Variants in OGDH observed in about 807,000 individuals in gnomAD.
OGDH encodes the protein 2-oxoglutarate dehydrogenase complex component E1.
OGDH carries 38 observed loss-of-function variants against 116.6 expected under a neutral mutation model. The ratio of observed to expected loss-of-function variants is 0.33; its 90% confidence interval spans 0.25 to 0.43. The LOEUF (loss-of-function observed/expected upper bound fraction) is 0.43. OGDH is among the 20% of genes least tolerant of loss of function. The pLI is 1.00. For missense variants in OGDH, 825 were observed against 1,357.2 expected, an observed-to-expected ratio of 0.61 and a Z score of 6.16; for synonymous variants, 488 against 533.3, an observed-to-expected ratio of 0.92 and a Z score of 1.17.
intron 2 of OGDH, among the ~76,000 whole-genome samples, chr7:44,643,648 T>C (rs1383507657): frequency 6.6e-6 from 1 of 152,160 alleles, no homozygotes; most frequent in Non-Finnish European, 1.5e-5. Context: ...CAGAAGACCT[T>C]AAGGACCAGC....
intron 5 of OGDH, among the ~76,000 whole-genome samples, chr7:44,668,025 G>A: frequency 6.6e-6 from 1 of 152,266 alleles, no homozygotes; most frequent in African/African-American, 2.4e-5. Context: ...CCACAGCCCA[G>A]GTCCCCTAAA....
chr7:44,659,339 G>T (rs1786834528), intron 4 of OGDH, among the ~76,000 whole-genome samples: 1 of 152,140 alleles, frequency 6.6e-6, no homozygotes, highest in Non-Finnish European at 1.5e-5. Flanking sequence ...CCATATTGAT[G>T]AGGGATATTG....
rs765836281 is a variant in OGDH at position 44,694,477 on chromosome 7, G to A, written c.1569G>A (p.Gln523=). The change falls in exon 12 of 23, where the codon CAG becomes CAA. Residue 523 remains glutamine (Q), a synonymous_variant. Transcript: ENST00000222673. The surrounding 1 kb of genome is among the most constrained non-coding windows in gnomAD (Gnocchi z 4.2). ...HNEMDEPMFT[Q]PLMYKQIRKQ... ...AGATGGATGAGCCCATGTTCACGCAGCCGCTCATGTACAAGCAGATCCGCA... is the reference window on the plus strand; with the variant it reads ...AGATGGATGAGCCCATGTTCACGCAACCGCTCATGTACAAGCAGATCCGCA... The A allele has an allele frequency of 6.2e-7, 1 of 1,613,998 alleles. No individual in the cohort carries two copies. The highest frequency in any genetic ancestry group is 8.5e-7 in the Non-Finnish European group (1 of 1,180,012).
rs139681238 is a variant in OGDH at position 44,621,685 on chromosome 7, A to G, written c.-27-2632A>G. Among the ~76,000 whole-genome samples the G allele has an allele frequency of 7.0e-3, 1,067 of 152,270 alleles. 9 individuals carry two copies. The highest frequency in any genetic ancestry group is 0.011 in the Non-Finnish European group (775 of 68,032). On this transcript the variant is annotated intron_variant, in intron 1 of 22. Transcript: ENST00000222673. The stretch of plus-strand genomic sequence containing the variant: ...TCAGGAGTTTGAGACCAGCCTGGCC[A>G]ACATAATGAAACCCTGTCTCTACTA...
At chr7:44,616,817 GTA>G (rs541936143) in intron 1 of OGDH, among the ~76,000 whole-genome samples, 15 of 100,766 alleles carry the variant, frequency 1.5e-4, no homozygotes, top group Admixed American at 1.9e-4. Context: ...GCATATATAC[GTA>G]TATATGTGTA....
intron 4 of OGDH, among the ~76,000 whole-genome samples, chr7:44,658,070 T>C (rs1309673031): frequency 6.6e-6 from 1 of 152,252 alleles, no homozygotes; most frequent in East Asian, 1.9e-4. Context: ...TTTACAAAAT[T>C]GTTTTAACTA....
At chr7:44,706,863 A>G (rs1320525599) in intron 20 of OGDH, among the ~76,000 whole-genome samples, 4 of 151,620 alleles carry the variant, frequency 2.6e-5, no homozygotes, top group Non-Finnish European at 4.4e-5. Context: ...AACTCAGGCA[A>G]TCCGCCCGCC....
In OGDH at chr7:44,618,034, A is replaced by G. The variant is rs181841158; in HGVS notation, c.-27-6283A>G. 2.7e-3 allele frequency among the ~76,000 whole-genome samples: 405 copies of G among 152,300 alleles called. 2 individuals carry two copies. The highest frequency in any genetic ancestry group is 4.8e-3 in the Admixed American group (74 of 15,292). On this transcript the variant is annotated intron_variant, in intron 1 of 22. Transcript: ENST00000222673. ...ATTTCAGACAGAACCCTATTTAAGTATATCGTTTCCTAAGGGCAGGGCGTT... is the reference window on the plus strand; with the variant it reads ...ATTTCAGACAGAACCCTATTTAAGTGTATCGTTTCCTAAGGGCAGGGCGTT...
intron 5 of OGDH, among the ~76,000 whole-genome samples, chr7:44,668,119 G>T (rs1024059992): frequency 6.6e-6 from 1 of 152,188 alleles, no homozygotes; most frequent in Non-Finnish European, 1.5e-5. Flanking sequence ...AGTGTTTCCA[G>T]TTGGCTGCAC....
At chr7:44,625,692 T>C (rs1785175575) in intron 2 of OGDH, among the ~76,000 whole-genome samples, 1 of 152,210 alleles carries the variant, frequency 6.6e-6, no homozygotes, top group South Asian at 2.1e-4. Context: ...TTATCTTCAC[T>C]GTGAATTTGG....
chr7:44,708,093 A>G lies in OGDH; in HGVS notation c.*94A>G. 6.7e-7 allele frequency: 1 copy of G among 1,481,918 alleles called. No homozygotes were observed. 91.8% of individuals were successfully genotyped at this position (1,481,918 alleles called of 1,614,324 possible). ...AGAATAGTGCCTCAGCGCTGCCCAC[A>G]CCACCGCCCTCCTCGCTGTGCCACC... On this transcript the variant is annotated 3_prime_UTR_variant, in exon 23 of 23. Transcript: ENST00000222673.
At chr7:44,615,376 AG>A (rs1169115289) in intron 1 of OGDH, among the ~76,000 whole-genome samples, 1 of 152,104 alleles carries the variant, frequency 6.6e-6, no homozygotes, top group Non-Finnish European at 1.5e-5. Flanking sequence ...CTGCCTGGGA[AG>A]GGAGGGGTGC....
intron 1 of OGDH, among the ~76,000 whole-genome samples, chr7:44,619,810 C>T (rs1784940577): frequency 6.6e-6 from 1 of 151,840 alleles, no homozygotes; most frequent in African/African-American, 2.4e-5. Flanking sequence ...TATATGGTGA[C>T]TTTATGTGTT....
At chr7:44,619,488 C>T (rs1324159315) in intron 1 of OGDH, among the ~76,000 whole-genome samples, 1 of 152,206 alleles carries the variant, frequency 6.6e-6, no homozygotes, top group Non-Finnish European at 1.5e-5. Flanking sequence ...GGAATAGACT[C>T]ATAATATGTC....
At chr7:44,616,860 CATAT>C (rs1187563752) in intron 1 of OGDH, among the ~76,000 whole-genome samples, 1,506 of 102,030 alleles carry the variant, frequency 0.015, 39 homozygotes, top group African/African-American at 0.058. Context: ...TATATATACA[CATAT>C]ATATATACGT....
At chr7:44,689,392 C>CTTTTTTTTTTTT (rs561058807) in intron 10 of OGDH, among the ~76,000 whole-genome samples, 9 of 71,268 alleles carry the variant, frequency 1.3e-4, no homozygotes, top group African/African-American at 1.8e-4. Flanking sequence ...ATTTTTTTTT[C>CTTTTTTTTTTTT]TTTTTTTTTT....
intron 10 of OGDH, among the ~76,000 whole-genome samples, chr7:44,684,493 C>T (rs905921984): frequency 6.6e-6 from 1 of 152,290 alleles, no homozygotes; most frequent in Admixed American, 6.5e-5. Flanking sequence ...ATATAACACA[C>T]AATATGGTAA....
chr7:44,668,936 G>C (rs1409126563), intron 5 of OGDH, among the ~76,000 whole-genome samples: 1 of 152,136 alleles, frequency 6.6e-6, no homozygotes, highest in African/African-American at 2.4e-5. Context: ...TGAAGTTCTT[G>C]TGTTGCCTGG....
intron 18 of OGDH, 80 bp downstream of exon 18, chr7:44,698,343 C>A: frequency 1.4e-6 from 2 of 1,433,444 alleles, no homozygotes; most frequent in South Asian, 2.3e-5. Context: ...TCTATCTGGT[C>A]ATCCTGAAGT....
Sources: allele counts gnomAD v4.1 joint callset (sites outside exome capture counted in the v4.1 genomes callset), GRCh38; gene constraint gnomAD v4.1.1; non-coding constraint Gnocchi (gnomAD v3.1); transcripts MANE v1.5; gene names NCBI Gene and HGNC (gene_info 2026-07-23, HGNC 2026-07-21).